FYCO1: variants seen among roughly 807,000 people sequenced by gnomAD.
FYCO1 encodes FYVE and coiled-coil domain autophagy adaptor 1.
Under a neutral mutation model 165.1 loss-of-function variants are expected in FYCO1, and 122 were observed. The observed-to-expected ratio is 0.74, with a 90% CI of 0.64 to 0.86. FYCO1 has a LOEUF of 0.86. Among genes scored for constraint, FYCO1 ranks in the 40% least tolerant of loss-of-function variants. The pLI, the probability that FYCO1 is intolerant of heterozygous loss-of-function variation, is 0.00. For missense variants in FYCO1, 1,702 were observed against 1,810.3 expected (o/e 0.94, Z 1.09); for synonymous variants, 648 against 742.5 (o/e 0.87, Z 2.07).
chr3:45,931,106 GGAAGACCACACT>G lies in FYCO1; in HGVS notation c.4204_4215del (p.Ser1402_Phe1405del). On this transcript the variant is annotated inframe_deletion, in exon 16 of 18. Coordinates refer to ENST00000296137, the MANE Select transcript of FYCO1 (RefSeq NM_024513.4). ...TCCAGCGGTGTGTCCTCGGCCTCCTGGAAGACCACACTGAAGGAGATGCTCTTGGGGTCAGAG... is the reference window on the plus strand; with the variant it reads ...TCCAGCGGTGTGTCCTCGGCCTCCTGGAAGGAGATGCTCTTGGGGTCAGAG... 6.2e-7 allele frequency: 1 copy of G among 1,613,896 alleles called. No individual in the cohort carries two copies. The highest frequency in any genetic ancestry group is 8.5e-7 in the Non-Finnish European group (1 of 1,179,888).
At chr3:45,923,613 G>A in intron 17 of FYCO1, 43 bp downstream of exon 17, 1 of 1,199,584 alleles carries the variant, frequency 8.3e-7, no homozygotes, top group East Asian at 2.3e-5. Context: ...AGAGGTGAAA[G>A]AGAGGCCTGG....
intron 3 of FYCO1, among the ~76,000 whole-genome samples, chr3:45,980,755 A>AT (rs367913193): frequency 6.6e-5 from 10 of 152,130 alleles, no homozygotes; most frequent in African/African-American, 2.2e-4. Context: ...ATTTTATAGC[A>AT]TTTTTTTTCT....
intron 13 of FYCO1, among the ~76,000 whole-genome samples, chr3:45,957,802 C>G (rs911783020): frequency 1.3e-5 from 2 of 152,258 alleles, no homozygotes; most frequent in African/African-American, 4.8e-5. Context: ...CAATGATGCT[C>G]GAGCAGAGAC....
At chr3:45,951,559 T>C (rs374103675) in intron 14 of FYCO1, among the ~76,000 whole-genome samples, 2 of 152,320 alleles carry the variant, frequency 1.3e-5, no homozygotes, top group Non-Finnish European at 1.5e-5. Flanking sequence ...ACAGGCCTGG[T>C]TCACCAGCTG....
chr3:45,926,101 G>A (rs1703307931), intron 16 of FYCO1, among the ~76,000 whole-genome samples: 1 of 152,150 alleles, frequency 6.6e-6, no homozygotes, highest in African/African-American at 2.4e-5. Flanking sequence ...GAGGAAGAGA[G>A]ACAAAAAACA....
Position 45,964,660 on chromosome 3 carries a change from G to T in FYCO1, c.3151-206C>A. ...TAGTTGTGGTGGTTGGCAAGTGGCAGGTACCAGAATTCCCAGGGTAACACT... is the reference window on the plus strand; with the variant it reads ...TAGTTGTGGTGGTTGGCAAGTGGCATGTACCAGAATTCCCAGGGTAACACT... On this transcript the variant is annotated intron_variant, in intron 9 of 17. Coordinates refer to ENST00000296137, the MANE Select transcript of FYCO1 (RefSeq NM_024513.4). This position sits in a 1 kb window ranked among gnomAD's most constrained non-coding sequence, Gnocchi z 4.1. 1 of 580,460 alleles carries T rather than the reference G, an allele frequency of 1.7e-6. No individual in the cohort carries two copies. Among genetic ancestry groups the T allele is most frequent in the Non-Finnish European group, 2.2e-6 (1 of 460,148 alleles). 36.0% of individuals were successfully genotyped at this position (580,460 alleles called of 1,614,324 possible). A position where few individuals can be genotyped will look rare whatever the true frequency, so the allele number is the denominator to read the frequency against.
Position 45,966,663 on chromosome 3 carries a change from G to A in FYCO1, c.2671C>T (p.His891Tyr). 1.2e-6 allele frequency: 2 copies of A among 1,614,096 alleles called. No individual in the cohort carries two copies. The highest frequency in any genetic ancestry group is 1.7e-6 in the Non-Finnish European group (2 of 1,180,022). The part of the protein sequence containing the change: ...KCSSEEAQLE[H>Y]AELQEQLHRA... Reference sequence around the variant, plus strand: ...TGCAGCTGCTCTTGCAGCTCAGCGTGCTCCAGCTGTGCTTCCTCGGAGCTG... The same window carrying A: ...TGCAGCTGCTCTTGCAGCTCAGCGTACTCCAGCTGTGCTTCCTCGGAGCTG... The change falls in exon 8 of 18, where the codon CAC (histidine) becomes TAC (tyrosine). Residue 891 changes from histidine (H) to tyrosine (Y), a missense_variant. Transcript: ENST00000296137.
chr3:45,923,901 T>C (rs1703203951), intron 16 of FYCO1, 136 bp from the exon 17 acceptor site: 1 of 706,556 alleles, frequency 1.4e-6, no homozygotes, highest in East Asian at 2.6e-5. Context: ...GCCGGAGCTG[T>C]GACCAGCCCC....
Position 45,958,598 on chromosome 3 carries a change from AC to A in FYCO1, c.3608del (p.Cys1203PhefsTer10). 2 of 1,614,206 alleles carry A rather than the reference AC, an allele frequency of 1.2e-6. No homozygotes were observed. Among genetic ancestry groups the A allele is most frequent in the South Asian group, 2.2e-5 (2 of 91,080 alleles). Reference sequence around the variant, plus strand: ...GGACGTAGTTGTTGCAGCAGTAGTAACAGAAGATGCGGCCACATATCCTGGG... The same window carrying A: ...GGACGTAGTTGTTGCAGCAGTAGTAAAGAAGATGCGGCCACATATCCTGGG... ...HHCRICGRIF[C>X]YYCCNNYVLS... On this transcript the variant is annotated frameshift_variant, in exon 13 of 18. Transcript: ENST00000296137. LOFTEE classifies it high-confidence loss of function.
Position 45,967,531 on chromosome 3 carries a change from G to T in FYCO1, c.1803C>A (p.Asp601Glu). The T allele has an allele frequency of 1.2e-6, 2 of 1,613,784 alleles. No homozygotes were observed. Among genetic ancestry groups the T allele is most frequent in the Non-Finnish European group, 1.7e-6 (2 of 1,179,954 alleles). The stretch of plus-strand genomic sequence containing the variant: ...GGCTGCCCTCTTGCACCTTGGTATC[G>T]TCTAACTGTGCCTCCTGCAGGCCCC... ...EQRGLQEAQL[D>E]DTKVQEGSQE... Residue 601 changes from aspartate (D) to glutamate (E), a missense_variant, in exon 8 of 18, where the codon GAC (aspartate) becomes GAA (glutamate). Asp to Glu is a conservative substitution (Grantham distance 45). Transcript: ENST00000296137.
rs1705189157 is a variant in FYCO1, at chr3:45,954,216, T to G, written c.3944+1033A>C. On this transcript the variant is annotated intron_variant, in intron 14 of 17. Transcript: ENST00000296137. The stretch of plus-strand genomic sequence containing the variant: ...TTTCTTGAAACGTTATGACATTTTT[T>G]GGGGGGGGTAAGGCGATTTTTTTAA... 4.6e-5 allele frequency among the ~76,000 whole-genome samples: 7 copies of G among 151,820 alleles called. No homozygotes were observed. The South Asian group carries it at 1.5e-3, about 32-fold the overall frequency.
At position 45,958,397 on chromosome 3, in the gene FYCO1, A is replaced by G. The variant is rs767673301; in HGVS notation, c.3799+11T>C. 4 of 1,610,700 alleles carry G rather than the reference A, an allele frequency of 2.5e-6. No individual in the cohort carries two copies. The highest frequency in any genetic ancestry group is 1.3e-5 in the African/African-American group (1 of 74,874). On this transcript the variant is annotated intron_variant, in intron 13 of 17. Transcript: ENST00000296137. ...AGAGAACATAGTAGGCAGTAGTAGC[A>G]GGAGACTGACCTTGGCCTCCTGTGG...
In FYCO1 at chr3:45,959,685, C is replaced by T. The variant is rs1705578706; in HGVS notation, c.3438-143G>A. ...TTTCACCTTGGAAATATGCCCCAGC[C>T]CATGCTAAGTCTCCTCCATCTCCCC... is the stretch of plus-strand genomic sequence containing the variant. On this transcript the variant is annotated intron_variant, in intron 11 of 17. Transcript: ENST00000296137. 3.3e-5 allele frequency: 29 copies of T among 880,792 alleles called. No homozygotes were observed. The South Asian group carries it at 3.9e-4, about 12-fold the overall frequency. 54.6% of individuals were successfully genotyped at this position (880,792 alleles called of 1,614,324 possible).
At chr3:45,973,300 T>C (rs1239067474) in intron 5 of FYCO1, 69 bp from the exon 6 acceptor site, 1 of 1,502,716 alleles carries the variant, frequency 6.7e-7, no homozygotes, top group East Asian at 2.3e-5. Flanking sequence ...CCTCCCACTG[T>C]GGCTCTGCCT....
At position 45,968,559 on chromosome 3, in the gene FYCO1, C is replaced by T. The variant is rs768554763; in HGVS notation, c.775G>A (p.Glu259Lys). Residue 259 changes from glutamate (E) to lysine (K), a missense_variant, in exon 8 of 18, where the codon GAG (glutamate) becomes AAG (lysine). Glu to Lys is a moderately conservative substitution (Grantham distance 56). Coordinates refer to ENST00000296137, the MANE Select transcript of FYCO1 (RefSeq NM_024513.4). The stretch of plus-strand genomic sequence containing the variant: ...ACAGCTGCCCTCAGCTCCTGGTTCT[C>T]TCTGTCCAGCTGCTGCATGCGCTCC... ...LRERMQQLDRENQELRAAVSQ... is the reference protein window; with the variant it reads ...LRERMQQLDRKNQELRAAVSQ... The T allele has an allele frequency of 9.9e-6, 16 of 1,613,926 alleles. No homozygotes were observed. Among genetic ancestry groups the T allele is most frequent in the Non-Finnish European group, 1.3e-5 (15 of 1,180,034 alleles).
chr3:45,978,157 A>G (rs1388162806), intron 4 of FYCO1, among the ~76,000 whole-genome samples: 1 of 152,270 alleles, frequency 6.6e-6, no homozygotes, highest in African/African-American at 2.4e-5. Flanking sequence ...TTTAGCAAGC[A>G]TTTCATAATC....
chr3:45,969,263 C>T (rs903168699), intron 7 of FYCO1, among the ~76,000 whole-genome samples: 2 of 152,144 alleles, frequency 1.3e-5, no homozygotes, highest in African/African-American at 2.4e-5. Flanking sequence ...ATGTCAAGCC[C>T]GTAAGTACTT....
chr3:45,988,892 A>T (rs1195343793), intron 1 of FYCO1, among the ~76,000 whole-genome samples: 1 of 152,170 alleles, frequency 6.6e-6, no homozygotes, highest in Non-Finnish European at 1.5e-5. Flanking sequence ...TTTTTTCTAT[A>T]CCTGCCCAGA....
At chr3:45,934,760 TTC>T (rs1703804549) in intron 15 of FYCO1, among the ~76,000 whole-genome samples, 1 of 152,204 alleles carries the variant, frequency 6.6e-6, no homozygotes, top group Non-Finnish European at 1.5e-5. Context: ...ACCACCCAAG[TTC>T]TCTGTTACTA....
Sources: allele counts gnomAD v4.1 joint callset (sites outside exome capture counted in the v4.1 genomes callset), GRCh38; gene constraint gnomAD v4.1.1; non-coding constraint Gnocchi (gnomAD v3.1); transcripts MANE v1.5; gene names NCBI Gene and HGNC (gene_info 2026-07-23, HGNC 2026-07-21).